Variants in GRIP1 observed in about 807,000 individuals in gnomAD.
GRIP1 encodes the protein glutamate receptor interacting protein 1, also known as glutamate receptor-interacting protein 1.
GRIP1 carries 45 observed loss-of-function variants against 129.9 expected under a neutral mutation model. The ratio of observed to expected loss-of-function variants is 0.35; its 90% CI spans 0.27 to 0.44. The LOEUF (loss-of-function observed/expected upper bound fraction) is 0.44. Among genes scored for constraint, GRIP1 ranks in the 20% least tolerant of loss-of-function variants. The probability of loss-of-function intolerance (pLI) is 1.00; values close to 1 mark genes in which losing one functional copy is unlikely to be tolerated. For synonymous variants in GRIP1, 530 were observed against 520.8 expected, an observed-to-expected ratio of 1.02 and a Z score of -0.24; for missense variants, 1,196 against 1,396.8, an observed-to-expected ratio of 0.86 and a Z score of 2.29.
intron 1 of GRIP1, among the ~76,000 whole-genome samples, chr12:66,870,636 G>A (rs544114857): frequency 1.6e-4 from 24 of 152,152 alleles, no homozygotes; most frequent in Admixed American, 3.3e-4. Context: ...TGTGAACTTC[G>A]CCAAATTTGA....
chr12:67,022,447 T>C (rs2042881273), intron 1 of GRIP1, among the ~76,000 whole-genome samples: 3 of 152,304 alleles, frequency 2.0e-5, no homozygotes, highest in South Asian at 4.1e-4. Flanking sequence ...TCCTTTTATA[T>C]ACCTATGAGT....
chr12:66,472,660 G>A (rs2059472385), intron 7 of GRIP1, among the ~76,000 whole-genome samples: 1 of 152,170 alleles, frequency 6.6e-6, no homozygotes, highest in African/African-American at 2.4e-5. Context: ...GACAGTGGGT[G>A]CAGCCCATGA....
intron 1 of GRIP1, among the ~76,000 whole-genome samples, chr12:66,955,425 C>T (rs1379492910): frequency 6.6e-6 from 1 of 151,742 alleles, no homozygotes; most frequent in Non-Finnish European, 1.5e-5. Context: ...ATAATAGCAC[C>T]TTCATCCAAA....
At chr12:66,668,833 A>G (rs1253667899) in intron 1 of GRIP1, among the ~76,000 whole-genome samples, 2 of 151,998 alleles carry the variant, frequency 1.3e-5, no homozygotes, top group African/African-American at 4.8e-5. Flanking sequence ...GGGTTGGGGG[A>G]GTGGCAGGGA....
At chr12:66,926,674 T>C (rs138933545) in intron 1 of GRIP1, among the ~76,000 whole-genome samples, 1 of 152,332 alleles carries the variant, frequency 6.6e-6, no homozygotes, top group African/African-American at 2.4e-5. Context: ...CTTCAAGTTA[T>C]TTTCCTTCAG....
intron 1 of GRIP1, among the ~76,000 whole-genome samples, chr12:66,727,925 A>G (rs2036307982): frequency 6.6e-6 from 1 of 152,246 alleles, no homozygotes; most frequent in African/African-American, 2.4e-5. Context: ...GCCCAAGAGC[A>G]TGGGCAAGAA....
chr12:66,492,251 A>G (rs1417300376), intron 7 of GRIP1, among the ~76,000 whole-genome samples: 1 of 152,198 alleles, frequency 6.6e-6, no homozygotes, highest in Non-Finnish European at 1.5e-5. Flanking sequence ...GATTTCCTAA[A>G]AGCCAATTTA....
chr12:66,660,801 G>T (rs933984913), intron 1 of GRIP1, among the ~76,000 whole-genome samples: 13 of 152,128 alleles, frequency 8.5e-5, no homozygotes, highest in African/African-American at 2.9e-4. Context: ...TAAGGATACT[G>T]AGAGGAATAA....
At chr12:67,022,661 T>C (rs1048615119) in intron 1 of GRIP1, among the ~76,000 whole-genome samples, 2 of 152,232 alleles carry the variant, frequency 1.3e-5, no homozygotes. Context: ...TCATTGTGAG[T>C]TTAACCTGCA....
At chr12:66,672,177 G>A (rs1479226497) in intron 1 of GRIP1, among the ~76,000 whole-genome samples, 1 of 152,062 alleles carries the variant, frequency 6.6e-6, no homozygotes, top group Non-Finnish European at 1.5e-5. Context: ...CATATCTTTA[G>A]TGATATTTAG....
At chr12:67,051,759 C>A (rs1675254237) in intron 1 of GRIP1, among the ~76,000 whole-genome samples, 1 of 152,230 alleles carries the variant, frequency 6.6e-6, no homozygotes, top group Non-Finnish European at 1.5e-5. Context: ...TTGCCACAAC[C>A]TCAGATCAGA....
intron 1 of GRIP1, among the ~76,000 whole-genome samples, chr12:66,868,367 C>T (rs752002277): frequency 1.3e-5 from 2 of 152,040 alleles, no homozygotes; most frequent in Non-Finnish European, 2.9e-5. Flanking sequence ...CGGGAAGACT[C>T]AATGAGACAT....
At chr12:66,999,219 T>C (rs192396394) in intron 1 of GRIP1, among the ~76,000 whole-genome samples, 46 of 152,296 alleles carry the variant, frequency 3.0e-4, no homozygotes, top group African/African-American at 9.4e-4. Context: ...GTAGTCCAAA[T>C]TGGGTTATCT....
At chr12:66,706,278 A>C (rs533881309) in intron 1 of GRIP1, among the ~76,000 whole-genome samples, 4 of 152,260 alleles carry the variant, frequency 2.6e-5, no homozygotes, top group Admixed American at 6.5e-5. Context: ...AGACATTTAC[A>C]TGGCCAAGAA....
At chr12:66,477,919 A>T (rs1490112247) in intron 7 of GRIP1, among the ~76,000 whole-genome samples, 1 of 152,150 alleles carries the variant, frequency 6.6e-6, no homozygotes, top group Admixed American at 6.5e-5. Context: ...TAAAACCATA[A>T]AAACCCTAGA....
At chr12:66,747,781 T>C (rs1292092051) in intron 1 of GRIP1, among the ~76,000 whole-genome samples, 1 of 152,138 alleles carries the variant, frequency 6.6e-6, no homozygotes, top group Non-Finnish European at 1.5e-5. Flanking sequence ...CTCTGTGAAA[T>C]GTACAGAGTG....
chr12:66,744,530 C>A (rs1043027739), intron 1 of GRIP1, among the ~76,000 whole-genome samples: 1 of 152,114 alleles, frequency 6.6e-6, no homozygotes, highest in East Asian at 1.9e-4. Context: ...GCATTCTGAC[C>A]GCCAAGATTT....
intron 7 of GRIP1, among the ~76,000 whole-genome samples, chr12:66,481,529 A>G (rs1259779020): frequency 6.6e-6 from 1 of 152,224 alleles, no homozygotes; most frequent in Non-Finnish European, 1.5e-5. Flanking sequence ...CCATTGTGGA[A>G]GTCAGTGTGG....
upstream of GRIP1, chr12:66,804,202 A>G: frequency 2.2e-6 from 1 of 450,390 alleles, no homozygotes; most frequent in South Asian, 1.6e-5. Flanking sequence ...CTCACCGTGC[A>G]GCGCGGCACA....
Sources: gnomAD v4.1 joint callset for allele counts (sites outside exome capture counted in the v4.1 genomes callset) on GRCh38, gnomAD v4.1.1 for gene constraint, MANE v1.5 for transcripts, NCBI Gene and HGNC (gene_info 2026-07-23, HGNC 2026-07-21) for gene names.